The following FLNB variants were observed in gnomAD, a reference collection of about 807,000 sequenced individuals.
FLNB encodes the protein filamin B, also known as filamin-B.
Under a neutral mutation model 250.6 loss-of-function variants are expected in FLNB, and 111 were observed. The ratio of observed to expected loss-of-function variants is 0.44; its 90% CI spans 0.38 to 0.52. FLNB has a LOEUF of 0.52. FLNB is among the 20% of genes least tolerant of loss of function. The pLI is 0.00. For missense variants in FLNB, 2,869 were observed against 3,447.8 expected (o/e 0.83, Z 4.20); for synonymous variants, 1,302 against 1,372.1 (o/e 0.95, Z 1.13).
chr3:58,091,144 T>C (rs571282497), intron 4 of FLNB, among the ~76,000 whole-genome samples: 1 of 152,016 alleles, frequency 6.6e-6, no homozygotes, highest in Admixed American at 6.5e-5. Context: ...TCAGGTTTGA[T>C]GCAATTGCTG....
intron 1 of FLNB, among the ~76,000 whole-genome samples, chr3:58,036,450 C>T (rs535618374): frequency 2.6e-5 from 4 of 152,136 alleles, no homozygotes; most frequent in African/African-American, 7.2e-5. Context: ...CACAGGGGGT[C>T]GAAGTGACGT....
At position 58,136,034 on chromosome 3, in the gene FLNB, A is replaced by G; in HGVS notation, c.4727A>G (p.Tyr1576Cys). 2 of 1,614,242 alleles carry G rather than the reference A, an allele frequency of 1.2e-6. No individual in the cohort carries two copies. Among genetic ancestry groups the G allele is most frequent in the Non-Finnish European group, 8.5e-7 (1 of 1,180,040 alleles). ...GTCCATGACAATAAAGATGGCACGT[A>G]TGCTGTCACCTACATCCCCGACAAG... ...AIVHDNKDGT[Y>C]AVTYIPDKTG... is the part of the protein sequence containing the mutation. Residue 1576 changes from tyrosine (Y) to cysteine (C), a missense_variant, in exon 28 of 46, where the codon TAT becomes TGT. Around this residue, in one of 5 missense-constraint regions of FLNB, gnomAD observed 126 missense variants for 182.0 expected, o/e 0.69. Transcript: ENST00000295956.
At chr3:58,084,894 G>T (rs529175579) in intron 4 of FLNB, among the ~76,000 whole-genome samples, 1 of 152,080 alleles carries the variant, frequency 6.6e-6, no homozygotes. Context: ...GGAATCATAC[G>T]CTGTCTGTTA....
chr3:58,010,886 A>G (rs997604329), intron 1 of FLNB, among the ~76,000 whole-genome samples: 6 of 151,444 alleles, frequency 4.0e-5, no homozygotes, highest in Admixed American at 1.3e-4. Context: ...ATTTTTTTAC[A>G]TGGTTCTCCT....
At position 58,163,250 on chromosome 3, in the gene FLNB, T is replaced by C. The variant is rs1188460365; in HGVS notation, c.7118T>C (p.Val2373Ala). 6.2e-6 allele frequency: 10 copies of C among 1,614,104 alleles called. No homozygotes were observed. Among genetic ancestry groups the C allele is most frequent in the Non-Finnish European group, 8.5e-6 (10 of 1,180,044 alleles). Residue 2373 changes from valine to alanine, a missense_variant, in exon 43 of 46, where the codon GTG becomes GCG. Physicochemically the swap from Val to Ala is moderately conservative, Grantham distance 64. This residue lies in a region of FLNB where 1,084 missense variants were observed against 1,315.5 expected (regional missense o/e 0.82). Transcript: ENST00000295956. The part of the protein sequence containing the change: ...GSHVVGSPFK[V>A]RVGEPGQAGN... ...CACGTGGTTGGAAGCCCCTTCAAAGTGCGCGTTGGGGAGCCTGGACAAGCG... is the reference window on the plus strand; with the variant it reads ...CACGTGGTTGGAAGCCCCTTCAAAGCGCGCGTTGGGGAGCCTGGACAAGCG...
At chr3:58,120,084 G>T (rs1048213924) in intron 19 of FLNB, among the ~76,000 whole-genome samples, 3 of 152,198 alleles carry the variant, frequency 2.0e-5, no homozygotes, top group Non-Finnish European at 4.4e-5. Context: ...CACCTGTGAG[G>T]GTTTCTCCAG....
intron 1 of FLNB, among the ~76,000 whole-genome samples, chr3:58,056,113 T>TTATTTA (rs1559661932): frequency 1.4e-4 from 19 of 131,664 alleles, no homozygotes; most frequent in African/African-American, 7.3e-4. Context: ...TTATTTTTTT[T>TTATTTA]TTTTTTGAGG....
intron 1 of FLNB, among the ~76,000 whole-genome samples, chr3:58,058,014 C>G (rs947692118): frequency 1.3e-5 from 2 of 152,104 alleles, no homozygotes; most frequent in Admixed American, 1.3e-4. Flanking sequence ...GTCTCGAACT[C>G]CCGACCTCAG....
chr3:58,009,439 C>CG (rs1429584492), intron 1 of FLNB, among the ~76,000 whole-genome samples: 2 of 152,144 alleles, frequency 1.3e-5, no homozygotes, highest in African/African-American at 4.8e-5. Flanking sequence ...AGGGTAGGCG[C>CG]GGGTGTGTGT....
In FLNB at chr3:58,148,219, G is replaced by A. The variant is rs2097338978; in HGVS notation, c.5742G>A (p.Arg1914=). The A allele has an allele frequency of 1.9e-6, 3 of 1,614,236 alleles. No homozygotes were observed. Among genetic ancestry groups the A allele is most frequent in the Non-Finnish European group, 1.7e-6 (2 of 1,180,044 alleles). ...FTAKITDDSR[R]CSQVKLGSAA... The stretch of plus-strand genomic sequence containing the variant: ...GATGTTTCCCAGATGACAGCAGGCG[G>A]TGCTCCCAGGTGAAGTTGGGCTCAG... Residue 1914 remains arginine (R), a synonymous_variant, in exon 35 of 46, where the codon CGG becomes CGA. Transcript: ENST00000295956.
chr3:58,082,152 A>G (rs1041975106), intron 4 of FLNB, among the ~76,000 whole-genome samples: 1 of 152,086 alleles, frequency 6.6e-6, no homozygotes, highest in Non-Finnish European at 1.5e-5. Flanking sequence ...TCCTTCTGTT[A>G]CACTAAGCCT....
At position 58,139,425 on chromosome 3, in the gene FLNB, A is replaced by C. The variant is rs13318338; in HGVS notation, c.5109+896A>C. 3.4e-3 allele frequency among the ~76,000 whole-genome samples: 512 copies of C among 152,296 alleles called. 3 individuals carry two copies. The highest frequency in any genetic ancestry group is 0.012 in the African/African-American group (497 of 41,560). ...TGACCTGGCCTTGTGCACAGCCGAC[A>C]AAGCACCTTCTAATTATTTCATTTT... On this transcript the variant is annotated intron_variant, in intron 29 of 45. Transcript: ENST00000295956.
chr3:58,061,973 C>T (rs866264634), intron 1 of FLNB, among the ~76,000 whole-genome samples: 17 of 151,770 alleles, frequency 1.1e-4, no homozygotes, highest in African/African-American at 4.1e-4. Context: ...CGCCTGTAAT[C>T]CCAGCTACTT....
intron 1 of FLNB, among the ~76,000 whole-genome samples, chr3:58,024,897 G>T (rs1260772222): frequency 6.6e-6 from 1 of 150,722 alleles, no homozygotes; most frequent in Non-Finnish European, 1.5e-5. Flanking sequence ...ATTTTTAGTA[G>T]GGACGGGGTT....
At chr3:58,136,339 G>T (rs1182230549) in intron 28 of FLNB, among the ~76,000 whole-genome samples, 171 bp downstream of exon 28, 1 of 152,218 alleles carries the variant, frequency 6.6e-6, no homozygotes, top group Non-Finnish European at 1.5e-5. Flanking sequence ...AGAACATTTA[G>T]ATCCAAGAAG....
At chr3:58,131,113 A>G (rs748552593) in intron 25 of FLNB, among the ~76,000 whole-genome samples, 19 of 152,158 alleles carry the variant, frequency 1.2e-4, no homozygotes, top group Non-Finnish European at 2.6e-4. Flanking sequence ...CTGTCCCCCC[A>G]TTTAATAATA....
intron 42 of FLNB, among the ~76,000 whole-genome samples, chr3:58,160,717 GGCA>G (rs2097360050): frequency 3.3e-5 from 5 of 152,160 alleles, no homozygotes; most frequent in South Asian, 4.1e-4. Context: ...GCTCTGACCA[GGCA>G]TGGTGGCTCA....
At chr3:58,165,732 G>T (rs372180081) in intron 43 of FLNB, 5 of 152,132 alleles carry the variant, frequency 3.3e-5, no homozygotes, top group Non-Finnish European at 7.3e-5. Flanking sequence ...CTTTGGAGCC[G>T]CTGAGCAATT....
At chr3:58,018,259 G>T (rs1239049259) in intron 1 of FLNB, among the ~76,000 whole-genome samples, 1 of 151,554 alleles carries the variant, frequency 6.6e-6, no homozygotes, top group Admixed American at 6.6e-5. Context: ...AAAGTATCAG[G>T]CCTGGAAAGA....
Sources: gnomAD v4.1 joint callset for allele counts (sites outside exome capture counted in the v4.1 genomes callset) on GRCh38, gnomAD v4.1.1 for gene constraint, gnomAD v4.1.1 regional missense constraint, MANE v1.5 for transcripts, NCBI Gene and HGNC (gene_info 2026-07-23, HGNC 2026-07-21) for gene names.